Variants in ATAD3B observed in about 807,000 individuals in gnomAD.
The protein encoded by ATAD3B is ATPase family AAA domain containing 3B, also known as ATPase family AAA domain-containing protein 3B.
In ATAD3B, 59 loss-of-function variants were observed where a neutral mutation model predicts 70.2. The observed-to-expected ratio is 0.84, with a 90% confidence interval of 0.68 to 1.04. The LOEUF (loss-of-function observed/expected upper bound fraction) is 1.04. Among genes scored for constraint, ATAD3B ranks in the 50% least tolerant of loss-of-function variants. The pLI, the probability that ATAD3B is intolerant of heterozygous loss-of-function variation, is 0.00. For synonymous variants in ATAD3B, 423 were observed against 388.6 expected (o/e 1.09, Z -1.04); for missense variants, 961 against 913.4 (o/e 1.05, Z -0.67).
At chr1:1,484,741 C>A (rs1211711294) in intron 7 of ATAD3B, 1 of 815,256 alleles carries the variant, frequency 1.2e-6, no homozygotes, top group African/African-American at 1.7e-5. Context: ...TGGGTCTGCC[C>A]AGGGCCCCGC....
chr1:1,477,791 C>T lies in ATAD3B; in HGVS notation c.282+441C>T, dbSNP rs571398919. 2.0e-3 allele frequency among the ~76,000 whole-genome samples: 290 copies of T among 145,250 alleles called. 2 individuals are homozygous for T. The highest frequency in any genetic ancestry group is 6.3e-3 in the African/African-American group (251 of 39,564). Reference sequence around the variant, plus strand: ...CGCAATCTCGGCTCACTGCAACCTCCGCCTCCCGGGTTCAAGCGATTCATC... The same window carrying T: ...CGCAATCTCGGCTCACTGCAACCTCTGCCTCCCGGGTTCAAGCGATTCATC... On this transcript the variant is annotated intron_variant, in intron 2 of 15. Transcript: ENST00000673477.
At chr1:1,499,825 G>A (rs549722019), downstream of ATAD3B, among the ~76,000 whole-genome samples, 12 of 146,864 alleles carry the variant, frequency 8.2e-5, no homozygotes, top group South Asian at 2.2e-4. Flanking sequence ...AACTCCCGAC[G>A]TCAGGTGATC....
rs769690327 is a variant in ATAD3B at position 1,487,910 on chromosome 1, C to T, written c.1262C>T (p.Ala421Val). ...GCAGACGCCTTCCTTCGGAAGCGAG[C>T]CACTGTGAGTGTCACTAAGCCTCTG... ...DEADAFLRKR[A>V]TEEISKDLRA... The change falls in exon 12 of 16, where the codon GCC becomes GTC. Residue 421 changes from alanine to valine, a missense_variant. Transcript: ENST00000673477. 2 of 1,613,104 alleles carry T rather than the reference C, an allele frequency of 1.2e-6. No individual in the cohort carries two copies. Among genetic ancestry groups the T allele is most frequent in the South Asian group, 1.1e-5 (1 of 91,020 alleles).
At chr1:1,492,715 G>A (rs888741308) in intron 15 of ATAD3B, among the ~76,000 whole-genome samples, 1 of 151,504 alleles carries the variant, frequency 6.6e-6, no homozygotes, top group African/African-American at 2.4e-5. Flanking sequence ...CGAGGTGGGC[G>A]GATCACGGGG....
At chr1:1,482,984 G>A in intron 7 of ATAD3B, 1 of 469,476 alleles carries the variant, frequency 2.1e-6, no homozygotes, top group African/African-American at 2.0e-5. Context: ...CTTGGCGAGA[G>A]AATAAGACCT....
intron 1 of ATAD3B, among the ~76,000 whole-genome samples, chr1:1,476,172 G>T (rs1570191425): frequency 6.8e-6 from 1 of 146,042 alleles, no homozygotes; most frequent in Admixed American, 6.8e-5. Context: ...CCCGAGGTTA[G>T]CTACCAAGGC....
chr1:1,504,011 G>A, the ATAD3B span, among the ~76,000 whole-genome samples: 1 of 151,866 alleles, frequency 6.6e-6, no homozygotes, highest in South Asian at 2.1e-4. Flanking sequence ...ATTTTGAAAC[G>A]GAATCTTGCT....
chr1:1,479,233 C>T lies in ATAD3B; in HGVS notation c.444+125C>T. The T allele has an allele frequency of 2.5e-6, 3 of 1,193,204 alleles. 1 individual carries two copies. Among genetic ancestry groups the T allele is most frequent in the South Asian group, 2.9e-5 (2 of 68,966 alleles). The allele number at this position is 1,193,204 out of a possible 1,614,324, so 73.9% of individuals were successfully genotyped here. The stretch of plus-strand genomic sequence containing the variant: ...GGGTTGCTGACGGTGGGTGCTAGAG[C>T]AGGGGAAACTACTCGGACAGACACG... On this transcript the variant is annotated intron_variant, in intron 4 of 15. Coordinates refer to ENST00000673477, the MANE Select transcript of ATAD3B (RefSeq NM_031921.6).
rs549107746 is a variant in ATAD3B, at chr1:1,486,931, G to A, written c.1214+263G>A. Reference sequence around the variant, plus strand: ...AGGGAGGTGGGTGGGTGCAGGGGGAGAGGGGTCTTCACAGCTGCAGGGGAG... The same window carrying A: ...AGGGAGGTGGGTGGGTGCAGGGGGAAAGGGGTCTTCACAGCTGCAGGGGAG... On this transcript the variant is annotated intron_variant, in intron 11 of 15. Coordinates refer to ENST00000673477, the MANE Select transcript of ATAD3B (RefSeq NM_031921.6). Among the ~76,000 whole-genome samples, 14 of 151,148 alleles carry A rather than the reference G, an allele frequency of 9.3e-5. No homozygotes were observed. In the East Asian group the frequency reaches 2.7e-3, roughly 29 times the overall value.
chr1:1,477,259 CACA>C lies in ATAD3B; in HGVS notation c.206-14_206-12del. On this transcript the variant is annotated splice_polypyrimidine_tract_variant and intron_variant, in intron 1 of 15. Coordinates refer to ENST00000673477, the MANE Select transcript of ATAD3B (RefSeq NM_031921.6). Reference sequence around the variant, plus strand: ...TGTATCCTACACCTGCTCTCCGTGCCACATGCGCCCGCAGGTTACGCCAAGGAG... The same window carrying C: ...TGTATCCTACACCTGCTCTCCGTGCCTGCGCCCGCAGGTTACGCCAAGGAG... 6.2e-7 allele frequency: 1 copy of C among 1,612,054 alleles called. No homozygotes were observed. Among genetic ancestry groups the C allele is most frequent in the South Asian group, 1.1e-5 (1 of 90,902 alleles).
intron 15 of ATAD3B, among the ~76,000 whole-genome samples, chr1:1,494,970 C>T (rs892536037): frequency 6.6e-6 from 1 of 152,086 alleles, no homozygotes; most frequent in Non-Finnish European, 1.5e-5. Context: ...GCCACAGCCC[C>T]AGTAGCTCCA....
chr1:1,487,789 TGCCGCG>T, intron 11 of ATAD3B, 68 bp from the exon 12 acceptor site: 1 of 1,571,070 alleles, frequency 6.4e-7, no homozygotes, highest in Non-Finnish European at 8.7e-7. Flanking sequence ...GGCCTGCTCC[TGCCGCG>T]GCCGGACGCT....
chr1:1,495,102 G>C (rs567421574), intron 15 of ATAD3B, among the ~76,000 whole-genome samples: 1 of 152,156 alleles, frequency 6.6e-6, no homozygotes, highest in East Asian at 1.9e-4. Context: ...TGAGGGTCAG[G>C]GTCTGAGGGT....
At chr1:1,472,911 GCAA>G (rs1639402617) in intron 1 of ATAD3B, among the ~76,000 whole-genome samples, 1 of 151,772 alleles carries the variant, frequency 6.6e-6, no homozygotes, top group Admixed American at 6.6e-5. Flanking sequence ...TCGGCTCCCT[GCAA>G]CCTCCGCCTC....
chr1:1,482,688 C>G (rs762060262), intron 7 of ATAD3B, 74 bp downstream of exon 7: 4 of 1,605,224 alleles, frequency 2.5e-6, no homozygotes, highest in Non-Finnish European at 2.6e-6. Context: ...AGCCCCAGGT[C>G]CTGTCCCTGC....
At chr1:1,501,905 A>C (rs546023535), downstream of ATAD3B, among the ~76,000 whole-genome samples, 1 of 151,100 alleles carries the variant, frequency 6.6e-6, no homozygotes, top group African/African-American at 2.4e-5. Flanking sequence ...TTTGAGATGG[A>C]GTCTCACTCG....
intron 1 of ATAD3B, among the ~76,000 whole-genome samples, chr1:1,472,631 C>A (rs1639388942): frequency 3.3e-5 from 5 of 152,022 alleles, no homozygotes; most frequent in African/African-American, 9.7e-5. Context: ...TTGAGTAAAC[C>A]CCTGACCCAA....
chr1:1,500,782 T>C (rs947573338), downstream of ATAD3B, among the ~76,000 whole-genome samples: 2 of 150,052 alleles, frequency 1.3e-5, no homozygotes, highest in African/African-American at 4.9e-5. Flanking sequence ...TGAAACCCCG[T>C]CTCTACTAAA....
At chr1:1,503,822 G>A in the ATAD3B span, among the ~76,000 whole-genome samples, 2 of 152,058 alleles carry the variant, frequency 1.3e-5, no homozygotes, top group Admixed American at 6.5e-5. Flanking sequence ...AAGGAAACAA[G>A]GGGAGGTGAG....
Sources: allele counts gnomAD v4.1 joint callset (sites outside exome capture counted in the v4.1 genomes callset), GRCh38; gene constraint gnomAD v4.1.1; transcripts MANE v1.5; gene names NCBI Gene and HGNC (gene_info 2026-07-23, HGNC 2026-07-21).